The following ZNF497 variants were observed in gnomAD, a reference collection of about 807,000 sequenced individuals.
ZNF497 encodes zinc finger protein 497.
For synonymous variants in ZNF497, 422 were observed against 313.7 expected (o/e 1.35, Z -3.65); for missense variants, 930 against 714.0 (o/e 1.30, Z -3.45).
Position 58,357,440 on chromosome 19 carries a change from C to T in ZNF497, c.196G>A (p.Glu66Lys). The T allele has an allele frequency of 1.3e-6, 2 of 1,599,974 alleles. No homozygotes were observed. Among genetic ancestry groups the T allele is most frequent in the Non-Finnish European group, 1.7e-6 (2 of 1,173,224 alleles). ...RQQATLGAAD[E>K]QGGPGRELGP... The stretch of plus-strand genomic sequence containing the variant: ...AGCTCCCTGCCGGGGCCTCCCTGTT[C>T]GTCCGCCGCCCCCAGTGTGGCTTGC... Residue 66 changes from glutamate (E) to lysine (K), a missense_variant, in exon 3 of 3, where the codon GAA becomes AAA. By Grantham distance (56) the Glu-to-Lys change is moderately conservative. Transcript: ENST00000311044.
intron 1 of ZNF497, among the ~76,000 whole-genome samples, chr19:58,362,212 C>A (rs532517432): frequency 6.6e-6 from 1 of 152,300 alleles, no homozygotes; most frequent in Non-Finnish European, 1.5e-5. Context: ...CAAACAAATA[C>A]GGAGTGGATA....
At chr19:58,359,897 G>A (rs537017787) in intron 1 of ZNF497, among the ~76,000 whole-genome samples, 3 of 152,012 alleles carry the variant, frequency 2.0e-5, no homozygotes, top group South Asian at 2.1e-4. Flanking sequence ...GCTTGAACCC[G>A]GGAGGTGGAG....
At chr19:58,358,249 G>A in intron 2 of ZNF497, 1 of 1,289,822 alleles carries the variant, frequency 7.8e-7, no homozygotes, top group South Asian at 1.2e-5. Context: ...GTCAGACCAG[G>A]TGGTCCAAGG....
Position 58,356,356 on chromosome 19 carries a change from G to C in ZNF497, c.1280C>G (p.Ser427Cys), listed in dbSNP as rs763064447. The C allele has an allele frequency of 4.5e-6, 7 of 1,566,474 alleles. No homozygotes were observed. In the South Asian group the frequency reaches 7.0e-5, roughly 16 times the overall value. Residue 427 changes from serine to cysteine, a missense_variant, in exon 3 of 3, where the codon TCC becomes TGC. Transcript: ENST00000311044. ...CAGGCGCTGGTGCTGGCGCAGCTCG[G>C]AGCTGCCGCGGAAGGCCTTGCCGCA... is the stretch of plus-strand genomic sequence containing the variant. ...AECGKAFRGS[S>C]ELRQHQRLHS...
chr19:58,356,164 C>G lies in ZNF497; in HGVS notation c.1472G>C (p.Arg491Pro), dbSNP rs541600828. Residue 491 changes from arginine (R) to proline (P), a missense_variant, in exon 3 of 3, where the codon CGG becomes CCG. Coordinates refer to ENST00000311044, the MANE Select transcript of ZNF497 (RefSeq NM_198458.3). ...TCAGGGCGCAGCGCGGCCCCCGTGC[C>G]GCTTCTGGTGCTCGTTGAGGTTGCA... is the stretch of plus-strand genomic sequence containing the variant. Reference protein sequence around the residue: ...HRCNLNEHQKRHGGRAAP With the variant: ...HRCNLNEHQKPHGGRAAP 1.3e-6 allele frequency: 2 copies of G among 1,573,706 alleles called. No individual in the cohort carries two copies. The highest frequency in any genetic ancestry group is 1.7e-6 in the Non-Finnish European group (2 of 1,158,454).
At position 58,356,813 on chromosome 19, in the gene ZNF497, CG is replaced by C; in HGVS notation, c.822del (p.His274GlnfsTer101). On this transcript the variant is annotated frameshift_variant, in exon 3 of 3. Transcript: ENST00000311044. The part of the protein sequence containing the change: ...HLKIHAGARP[H>X]ACPDCGKAFV... Reference sequence around the variant, plus strand: ...AAGGCCTTGCCGCAGTCGGGACAGGCGTGTGGCCGTGCGCCCGCGTGGATCT... The same window carrying C: ...AAGGCCTTGCCGCAGTCGGGACAGGCTGTGGCCGTGCGCCCGCGTGGATCT... 1 of 1,567,254 alleles carries C rather than the reference CG, an allele frequency of 6.4e-7. No individual in the cohort carries two copies. The highest frequency in any genetic ancestry group is 8.6e-7 in the Non-Finnish European group (1 of 1,163,444).
At chr19:58,359,164 C>CT in intron 1 of ZNF497, 1 of 1,290,122 alleles carries the variant, frequency 7.8e-7, no homozygotes, top group Non-Finnish European at 1.0e-6. Context: ...CCCAGAAGCA[C>CT]TGGCCAGGGC....
intron 1 of ZNF497, among the ~76,000 whole-genome samples, chr19:58,359,846 G>A (rs535124110): frequency 3.9e-4 from 60 of 152,024 alleles, no homozygotes; most frequent in African/African-American, 1.3e-3. Flanking sequence ...GGTGGCAGGC[G>A]CCTGTAATCC....
chr19:58,358,178 C>T (rs751139444), intron 2 of ZNF497: 74 of 1,289,862 alleles, frequency 5.7e-5, no homozygotes, highest in Admixed American at 2.3e-5. Flanking sequence ...GGCAGCATGT[C>T]CAGGCTGGAG....
At chr19:58,362,080 C>T (rs1264112943) in intron 1 of ZNF497, among the ~76,000 whole-genome samples, 1 of 152,236 alleles carries the variant, frequency 6.6e-6, no homozygotes, top group African/African-American at 2.4e-5. Context: ...TCCTCCTCAC[C>T]TCGACATGAT....
Position 58,357,533 on chromosome 19 carries a change from A to C in ZNF497, c.103T>G (p.Ser35Ala), listed in dbSNP as rs2052042271. The change falls in exon 3 of 3, where the codon TCT (serine) becomes GCT (alanine). Residue 35 changes from serine to alanine, a missense_variant. Transcript: ENST00000311044. Reference sequence around the variant, plus strand: ...TTTTCCCAGGCCCCCCAGCCTCCAGACACAGCCCCCTCAGAGAGGCCCCTC... The same window carrying C: ...TTTTCCCAGGCCCCCCAGCCTCCAGCCACAGCCCCCTCAGAGAGGCCCCTC... Reference protein sequence around the residue: ...ATRGLSEGAVSGGWGAWENST... With the variant: ...ATRGLSEGAVAGGWGAWENST... 1 of 1,606,640 alleles carries C rather than the reference A, an allele frequency of 6.2e-7. No individual in the cohort carries two copies. The highest frequency in any genetic ancestry group is 1.3e-5 in the African/African-American group (1 of 74,712).
At position 58,356,793 on chromosome 19, in the gene ZNF497, C is replaced by G. The variant is rs1376539591; in HGVS notation, c.843G>C (p.Lys281Asn). Reference protein sequence around the residue: ...ARPHACPDCGKAFVRVAGLRQ... With the variant: ...ARPHACPDCGNAFVRVAGLRQ... The stretch of plus-strand genomic sequence containing the variant: ...GCAGCCCCGCCACACGCACGAAGGC[C>G]TTGCCGCAGTCGGGACAGGCGTGTG... Residue 281 changes from lysine to asparagine, a missense_variant, in exon 3 of 3, where the codon AAG becomes AAC. Transcript: ENST00000311044. 6.3e-7 allele frequency: 1 copy of G among 1,579,758 alleles called. No homozygotes were observed. The highest frequency in any genetic ancestry group is 8.6e-7 in the Non-Finnish European group (1 of 1,168,902).
rs758666179 is a variant in ZNF497 at position 58,357,095 on chromosome 19, G to A, written c.541C>T (p.Gln181Ter). The change falls in exon 3 of 3, where the codon CAG becomes TAG. Residue 181 changes from glutamine to a stop codon, truncating the protein, a stop_gained. Coordinates refer to ENST00000311044, the MANE Select transcript of ZNF497 (RefSeq NM_198458.3). LOFTEE classifies it low-confidence loss of function (END_TRUNC). Reference protein sequence around the residue: ...FRAHSQLIHHQETHSGLKPFR... With the variant: ...FRAHSQLIHH ...GGCTTCAGGCCGCTGTGTGTCTCCTGGTGGTGGATGAGCTGCGAGTGCGCG... is the reference window on the plus strand; with the variant it reads ...GGCTTCAGGCCGCTGTGTGTCTCCTAGTGGTGGATGAGCTGCGAGTGCGCG... The A allele has an allele frequency of 3.7e-6, 6 of 1,608,756 alleles. No individual in the cohort carries two copies. The South Asian group carries it at 4.4e-5, about 12-fold the overall frequency.
Position 58,358,245 on chromosome 19 carries a change from C to T in ZNF497, c.-15+244G>A, listed in dbSNP as rs1293517411. On this transcript the variant is annotated intron_variant, in intron 2 of 2. Coordinates refer to ENST00000311044, the MANE Select transcript of ZNF497 (RefSeq NM_198458.3). ...ACACCAGGCCTCTGTGCAGGTCAGA[C>T]CAGGTGGTCCAAGGCATGGGGTGGC... The T allele has an allele frequency of 3.1e-6, 4 of 1,289,820 alleles. No homozygotes were observed. In the South Asian group the frequency reaches 3.7e-5, roughly 12 times the overall value. 79.9% of individuals were successfully genotyped at this position (1,289,820 alleles called of 1,614,324 possible). A position where few individuals can be genotyped will look rare whatever the true frequency, so the allele number is the denominator to read the frequency against.
chr19:58,358,112 T>C (rs1237816401), intron 2 of ZNF497: 3 of 1,267,642 alleles, frequency 2.4e-6, no homozygotes, highest in East Asian at 5.6e-5. Context: ...CAGCTATGTC[T>C]GCCTCACCCA....
rs906200622 is a variant in ZNF497 at position 58,355,913 on chromosome 19, TA to T, written c.*225del. 3.5e-5 allele frequency: 18 copies of T among 513,696 alleles called. No individual in the cohort carries two copies. Among genetic ancestry groups the T allele is most frequent in the African/African-American group, 6.1e-5 (3 of 49,438 alleles). The allele number at this position is 513,696 out of a possible 1,614,324, so 31.8% of individuals were successfully genotyped here. ...GTGGAGCCTGCCGCCCTCCCTGGGGTAAGAGCCCATCCTACATGTCCCCAGA... is the reference window on the plus strand; with the variant it reads ...GTGGAGCCTGCCGCCCTCCCTGGGGTAGAGCCCATCCTACATGTCCCCAGA... On this transcript the variant is annotated 3_prime_UTR_variant, in exon 3 of 3. Coordinates refer to ENST00000311044, the MANE Select transcript of ZNF497 (RefSeq NM_198458.3).
At position 58,356,006 on chromosome 19, in the gene ZNF497, C is replaced by T; in HGVS notation, c.*133G>A. 9.6e-7 allele frequency: 1 copy of T among 1,044,314 alleles called. No homozygotes were observed. The highest frequency in any genetic ancestry group is 1.3e-6 in the Non-Finnish European group (1 of 749,208). 64.7% of individuals were successfully genotyped at this position (1,044,314 alleles called of 1,614,324 possible). A position where few individuals can be genotyped will look rare whatever the true frequency, so the allele number is the denominator to read the frequency against. Reference sequence around the variant, plus strand: ...CAGCCAGGGTTCTCCACACCCAAGGCCGCCCCTGCACTCCCAGCAGGAGGG... The same window carrying T: ...CAGCCAGGGTTCTCCACACCCAAGGTCGCCCCTGCACTCCCAGCAGGAGGG... On this transcript the variant is annotated 3_prime_UTR_variant, in exon 3 of 3. Coordinates refer to ENST00000311044, the MANE Select transcript of ZNF497 (RefSeq NM_198458.3).
At chr19:58,362,140 C>T (rs1182063126) in intron 1 of ZNF497, among the ~76,000 whole-genome samples, 3 of 152,226 alleles carry the variant, frequency 2.0e-5, no homozygotes, top group Non-Finnish European at 4.4e-5. Context: ...CAACAACGGG[C>T]ACTTGTCCGA....
Position 58,356,741 on chromosome 19 carries a change from C to T in ZNF497, c.895G>A (p.Glu299Lys). The T allele has an allele frequency of 1.9e-6, 3 of 1,567,738 alleles. No homozygotes were observed. Among genetic ancestry groups the T allele is most frequent in the Non-Finnish European group, 1.7e-6 (2 of 1,163,656 alleles). The change falls in exon 3 of 3, where the codon GAG (glutamate) becomes AAG (lysine). Residue 299 changes from glutamate (E) to lysine (K), a missense_variant. Coordinates refer to ENST00000311044, the MANE Select transcript of ZNF497 (RefSeq NM_198458.3). ...CACTCGGCGCAGGGGAAGGGCTTCT[C>T]GCTGCTGTGCGTGCGCCGGTGCTGC... is the stretch of plus-strand genomic sequence containing the variant. ...LRQHRRTHSS[E>K]KPFPCAECGK...
Sources: allele counts gnomAD v4.1 joint callset (sites outside exome capture counted in the v4.1 genomes callset), GRCh38; gene constraint gnomAD v4.1.1; transcripts MANE v1.5; gene names NCBI Gene and HGNC (gene_info 2026-07-23, HGNC 2026-07-21).